NFASC: variants seen among roughly 807,000 people sequenced by gnomAD.
NFASC encodes the protein neurofascin.
In NFASC, 43 loss-of-function variants were observed where a neutral mutation model predicts 147.5. That is an observed-to-expected ratio of 0.29 (90% CI 0.23 to 0.38). NFASC has a LOEUF of 0.38. Among genes scored for constraint, NFASC ranks in the 10% least tolerant of loss-of-function variants. NFASC has a pLI of 1.00. For missense variants in NFASC, 1,320 were observed against 1,689.0 expected, an observed-to-expected ratio of 0.78 and a Z score of 3.83; for synonymous variants, 622 against 665.5, an observed-to-expected ratio of 0.93 and a Z score of 1.01.
chr1:204,909,966 A>G (rs1391634939), intron 1 of NFASC, among the ~76,000 whole-genome samples: 1 of 151,546 alleles, frequency 6.6e-6, no homozygotes, highest in Non-Finnish European at 1.5e-5. Context: ...CACCAATACC[A>G]TGTAGGTTTG....
At chr1:204,854,280 T>C (rs1375361642) in intron 1 of NFASC, among the ~76,000 whole-genome samples, 2 of 152,176 alleles carry the variant, frequency 1.3e-5, no homozygotes, top group Non-Finnish European at 1.5e-5. Flanking sequence ...CCCTTCATTT[T>C]TGGTTGATGC....
intron 16 of NFASC, 157 bp downstream of exon 16, chr1:204,976,952 G>C: frequency 7.1e-7 from 1 of 1,405,214 alleles, no homozygotes; most frequent in Non-Finnish European, 9.3e-7. Flanking sequence ...CAGGGTTAGG[G>C]AGCTGCCAGT....
Position 204,991,946 on chromosome 1 carries a change from TCC to T in NFASC, c.2782+641_2782+642del, listed in dbSNP as rs548845105. On this transcript the variant is annotated intron_variant, in intron 24 of 29. Transcript: ENST00000339876. ...CCTCACCCTTCAGAAACCCAGCTTT[TCC>T]AAGTCTTTATCGTTAAGAACAGTCT... Among the ~76,000 whole-genome samples, 180 of 152,316 alleles carry T rather than the reference TCC, an allele frequency of 1.2e-3. 1 individual carries two copies. Among genetic ancestry groups the T allele is most frequent in the African/African-American group, 4.1e-3 (172 of 41,560 alleles).
chr1:204,858,421 T>A (rs1195402912), intron 1 of NFASC, among the ~76,000 whole-genome samples: 1 of 152,172 alleles, frequency 6.6e-6, no homozygotes, highest in Non-Finnish European at 1.5e-5. Context: ...TTGTGGTTCC[T>A]CTGGGCTCCT....
Position 205,019,547 on chromosome 1 carries a change from T to C in NFASC, c.*3008T>C, listed in dbSNP as rs1176038411. On this transcript the variant is annotated 3_prime_UTR_variant, in exon 30 of 30. Coordinates refer to ENST00000339876, the MANE Select transcript of NFASC (RefSeq NM_001005388.3). ...TCTGAACTAAGGCCTGAGCTGTGGATACCATGGCGCGTGAGTTAGATGTGG... is the reference window on the plus strand; with the variant it reads ...TCTGAACTAAGGCCTGAGCTGTGGACACCATGGCGCGTGAGTTAGATGTGG... The C allele has an allele frequency of 2.0e-5, 3 of 152,206 alleles. No individual in the cohort carries two copies. 9.4% of individuals were successfully genotyped at this position (152,206 alleles called of 1,614,324 possible). A position where few individuals can be genotyped will look rare whatever the true frequency, so the allele number is the denominator to read the frequency against.
intron 24 of NFASC, 129 bp downstream of exon 24, chr1:204,991,435 T>C (rs145004837): frequency 1.1e-4 from 109 of 990,268 alleles, no homozygotes; most frequent in Non-Finnish European, 1.6e-4. Flanking sequence ...CTTTCAGTGG[T>C]TGGGAAGCCA....
At chr1:204,859,269 G>T (rs186395048) in intron 1 of NFASC, among the ~76,000 whole-genome samples, 5 of 152,320 alleles carry the variant, frequency 3.3e-5, no homozygotes, top group African/African-American at 1.2e-4. Context: ...TGCTCACTGT[G>T]CCAGGTGCTT....
intron 8 of NFASC, among the ~76,000 whole-genome samples, chr1:204,963,851 C>T (rs1403111045): frequency 6.6e-6 from 1 of 152,212 alleles, no homozygotes; most frequent in Non-Finnish European, 1.5e-5. Context: ...GACAGAGAGA[C>T]TTGATGAAAA....
At chr1:204,993,051 G>A (rs994699170) in intron 24 of NFASC, among the ~76,000 whole-genome samples, 5 of 152,214 alleles carry the variant, frequency 3.3e-5, no homozygotes, top group African/African-American at 4.8e-5. Context: ...AGCTTTAAAT[G>A]CGTAAGAACC....
In NFASC at chr1:204,988,811, G is replaced by A; in HGVS notation, c.2767+5G>A. ...CACCAGCACCCCCGAATGAAGGTAG[G>A]TGCATGGCAGCAGCCCCTGGGGTAA... On this transcript the variant is annotated splice_donor_5th_base_variant and intron_variant, in intron 23 of 29. Transcript: ENST00000339876. 1 of 1,613,874 alleles carries A rather than the reference G, an allele frequency of 6.2e-7. No homozygotes were observed. Among genetic ancestry groups the A allele is most frequent in the Non-Finnish European group, 8.5e-7 (1 of 1,179,870 alleles).
At chr1:204,875,193 T>C (rs2078526828) in intron 1 of NFASC, among the ~76,000 whole-genome samples, 2 of 152,140 alleles carry the variant, frequency 1.3e-5, no homozygotes, top group South Asian at 4.1e-4. Context: ...TGATTATCCT[T>C]AAGCTGGATT....
intron 1 of NFASC, among the ~76,000 whole-genome samples, chr1:204,869,831 G>A (rs2077441784): frequency 2.0e-5 from 3 of 152,102 alleles, no homozygotes; most frequent in Admixed American, 2.0e-4. Context: ...ATCATTTCCT[G>A]TAGTGATGGT....
At position 205,016,359 on chromosome 1, in the gene NFASC, C is replaced by A. The variant is rs374010426; in HGVS notation, c.3543C>A (p.Thr1181=). The A allele has an allele frequency of 1.9e-6, 3 of 1,613,988 alleles. No individual in the cohort carries two copies. In the African/African-American group the frequency reaches 4.0e-5, roughly 22 times the overall value. ...LQGSQTSLDG[T]IKQQESDDSL... is the part of the protein sequence containing the mutation. ...GCAGTCAGACATCTCTGGACGGCAC[C>A]ATCAAGCAGCAGGAGAGTGACGACA... Residue 1181 remains threonine, a synonymous_variant, in exon 30 of 30, where the codon ACC becomes ACA. Coordinates refer to ENST00000339876, the MANE Select transcript of NFASC (RefSeq NM_001005388.3). The surrounding 1 kb of genome is among the most constrained non-coding windows in gnomAD (Gnocchi z 5.1).
At chr1:204,848,652 A>G (rs577403105) in intron 1 of NFASC, among the ~76,000 whole-genome samples, 3 of 152,344 alleles carry the variant, frequency 2.0e-5, no homozygotes, top group Admixed American at 2.0e-4. Context: ...AAAAAACCCC[A>G]GTTGCTTGGG....
intron 1 of NFASC, among the ~76,000 whole-genome samples, chr1:204,844,932 A>T (rs529638452): frequency 1.3e-5 from 2 of 152,214 alleles, no homozygotes; most frequent in East Asian, 3.9e-4. Context: ...AGCTGCAGGC[A>T]TATCCCCCCA....
At chr1:204,939,425 T>C (rs2093182552) in intron 2 of NFASC, among the ~76,000 whole-genome samples, 1 of 152,184 alleles carries the variant, frequency 6.6e-6, no homozygotes, top group African/African-American at 2.4e-5. Context: ...TCCTATTTGG[T>C]CCTAGCTTTG....
intron 1 of NFASC, among the ~76,000 whole-genome samples, chr1:204,885,115 CT>C (rs1015534151): frequency 1.3e-5 from 2 of 151,070 alleles, no homozygotes; most frequent in East Asian, 1.9e-4. Context: ...AGACCCCCAT[CT>C]TTTTTTTTAA....
intron 1 of NFASC, among the ~76,000 whole-genome samples, chr1:204,839,993 T>C (rs1242115906): frequency 2.0e-5 from 3 of 152,168 alleles, no homozygotes; most frequent in African/African-American, 7.2e-5. Context: ...TGCATATCCC[T>C]GTTGGGGTTG....
At chr1:205,009,451 A>C in intron 27 of NFASC, 106 bp from the exon 28 acceptor site, 1 of 1,245,770 alleles carries the variant, frequency 8.0e-7, no homozygotes. Context: ...GTTAGGCTCC[A>C]GGAGAAACAT....
Sources: gnomAD v4.1 joint callset for allele counts (sites outside exome capture counted in the v4.1 genomes callset) on GRCh38, gnomAD v4.1.1 for gene constraint, Gnocchi (gnomAD v3.1) non-coding constraint, MANE v1.5 for transcripts, NCBI Gene and HGNC (gene_info 2026-07-23, HGNC 2026-07-21) for gene names.